TAFA2: variants seen among roughly 807,000 people sequenced by gnomAD.
TAFA2 encodes the protein TAFA chemokine like family member 2, also known as chemokine-like protein TAFA-2.
Under a neutral mutation model 18.8 loss-of-function variants are expected in TAFA2, and 7 were observed. The ratio of observed to expected loss-of-function variants is 0.37; its 90% CI spans 0.21 to 0.70. The LOEUF (loss-of-function observed/expected upper bound fraction) is 0.70. Ranked by LOEUF, TAFA2 falls within the 30% of genes least tolerant of loss-of-function variation. The pLI is 0.53. For missense variants in TAFA2, 122 were observed against 158.1 expected, an observed-to-expected ratio of 0.77 and a Z score of 1.23; for synonymous variants, 60 against 54.2, an observed-to-expected ratio of 1.11 and a Z score of -0.47.
At chr12:61,842,561 C>A (rs1231665857) in intron 2 of TAFA2, among the ~76,000 whole-genome samples, 1 of 151,874 alleles carries the variant, frequency 6.6e-6, no homozygotes, top group Non-Finnish European at 1.5e-5. Flanking sequence ...TTAAAAGATT[C>A]TCATGTCAAA....
intron 4 of TAFA2, among the ~76,000 whole-genome samples, chr12:61,714,244 A>C (rs1869545617): frequency 6.6e-6 from 1 of 152,188 alleles, no homozygotes; most frequent in Non-Finnish European, 1.5e-5. Flanking sequence ...CTATCTCAGT[A>C]AATTTGCCTT....
intron 1 of TAFA2, among the ~76,000 whole-genome samples, chr12:62,042,695 T>G (rs1490795832): frequency 6.6e-6 from 1 of 152,152 alleles, no homozygotes; most frequent in Admixed American, 6.6e-5. Flanking sequence ...TTTTTTCTGT[T>G]ACTATACATC....
intron 1 of TAFA2, among the ~76,000 whole-genome samples, chr12:62,077,117 G>A (rs908820746): frequency 1.3e-5 from 2 of 152,124 alleles, no homozygotes; most frequent in African/African-American, 2.4e-5. Context: ...TTCAACACCA[G>A]ATAAATTATT....
At chr12:61,794,855 T>C (rs1398981675) in intron 2 of TAFA2, among the ~76,000 whole-genome samples, 1 of 151,914 alleles carries the variant, frequency 6.6e-6, no homozygotes, top group Non-Finnish European at 1.5e-5. Flanking sequence ...ATATCCAGAA[T>C]CTACAAAGAA....
At chr12:61,778,878 A>C (rs1034510599) in intron 2 of TAFA2, among the ~76,000 whole-genome samples, 1 of 151,916 alleles carries the variant, frequency 6.6e-6, no homozygotes, top group Non-Finnish European at 1.5e-5. Context: ...GCTCTAGAAC[A>C]AGAAAGAAAA....
intron 1 of TAFA2, among the ~76,000 whole-genome samples, chr12:61,924,639 C>A (rs1473269105): frequency 3.9e-5 from 6 of 152,010 alleles, no homozygotes; most frequent in African/African-American, 7.2e-5. Context: ...AAAAACATAC[C>A]AAAATGTAAA....
At chr12:61,953,327 A>G (rs1878534745) in intron 1 of TAFA2, among the ~76,000 whole-genome samples, 1 of 152,168 alleles carries the variant, frequency 6.6e-6, no homozygotes, top group Admixed American at 6.6e-5. Flanking sequence ...TGTAATAAAA[A>G]AGTTAAATAC....
At chr12:61,791,854 T>C (rs376390396) in intron 2 of TAFA2, among the ~76,000 whole-genome samples, 3 of 151,720 alleles carry the variant, frequency 2.0e-5, no homozygotes, top group East Asian at 3.9e-4. Flanking sequence ...GATCCAGTAA[T>C]CCAACTACTG....
intron 1 of TAFA2, among the ~76,000 whole-genome samples, chr12:62,028,666 T>A (rs1368847015): frequency 6.6e-6 from 1 of 152,204 alleles, no homozygotes; most frequent in African/African-American, 2.4e-5. Context: ...AAACTATTGC[T>A]TTAATCACAG....
At chr12:62,042,272 T>C (rs1881777494) in intron 1 of TAFA2, among the ~76,000 whole-genome samples, 1 of 152,000 alleles carries the variant, frequency 6.6e-6, no homozygotes. Flanking sequence ...GGAGGAACAC[T>C]GTTAACAGTT....
chr12:61,725,048 T>C (rs1279704709), intron 4 of TAFA2, among the ~76,000 whole-genome samples: 1 of 152,024 alleles, frequency 6.6e-6, no homozygotes, highest in Non-Finnish European at 1.5e-5. Context: ...TGATAATTAG[T>C]GAGGTTGAGC....
intron 1 of TAFA2, among the ~76,000 whole-genome samples, chr12:62,121,294 A>C (rs1008831159): frequency 1.1e-4 from 16 of 152,162 alleles, no homozygotes; most frequent in Non-Finnish European, 1.2e-4. Context: ...GAGTATCATC[A>C]TAAGGCTTTC....
At chr12:61,735,441 G>A (rs1319878786) in intron 4 of TAFA2, among the ~76,000 whole-genome samples, 2 of 152,016 alleles carry the variant, frequency 1.3e-5, no homozygotes, top group Non-Finnish European at 2.9e-5. Context: ...GATACAGTGT[G>A]ATGTTTCCAT....
intron 1 of TAFA2, among the ~76,000 whole-genome samples, chr12:62,108,242 G>T (rs1030758953): frequency 6.6e-6 from 1 of 152,006 alleles, no homozygotes; most frequent in Non-Finnish European, 1.5e-5. Context: ...GCGATGTTTG[G>T]TTTTCTGTTC....
At chr12:61,922,712 T>A (rs114124239) in intron 1 of TAFA2, among the ~76,000 whole-genome samples, 14,731 of 152,158 alleles carry the variant, frequency 0.097, 2,347 homozygotes, top group African/African-American at 0.33. Flanking sequence ...GTTTCTTTTC[T>A]TACCCCAGTG....
chr12:62,133,690 G>A (rs765286532), intron 1 of TAFA2, among the ~76,000 whole-genome samples: 8 of 152,060 alleles, frequency 5.3e-5, no homozygotes, highest in Non-Finnish European at 1.2e-4. Context: ...AAGCAAGATA[G>A]AGCCCCATGA....
intron 2 of TAFA2, among the ~76,000 whole-genome samples, chr12:61,782,054 C>T (rs1423746710): frequency 6.6e-6 from 1 of 151,586 alleles, no homozygotes. Flanking sequence ...CGGTGGAATA[C>T]ATGCCTACTA....
chr12:62,130,072 C>T (rs1379001553), intron 1 of TAFA2, among the ~76,000 whole-genome samples: 1 of 151,994 alleles, frequency 6.6e-6, no homozygotes, highest in African/African-American at 2.4e-5. Flanking sequence ...TTGCTCTATT[C>T]AGGAACTTAA....
At chr12:61,769,290 C>A (rs1869923843) in intron 2 of TAFA2, among the ~76,000 whole-genome samples, 2 of 151,320 alleles carry the variant, frequency 1.3e-5, no homozygotes, top group Middle Eastern at 3.2e-3. Flanking sequence ...GACATAATTA[C>A]TGGGGGGCTC....
Sources: allele counts gnomAD v4.1 joint callset (sites outside exome capture counted in the v4.1 genomes callset), GRCh38; gene constraint gnomAD v4.1.1; transcripts MANE v1.5; gene names NCBI Gene and HGNC (gene_info 2026-07-23, HGNC 2026-07-21).